Variants in FHIT observed in about 807,000 individuals in gnomAD.
The protein encoded by FHIT is bis(5'-adenosyl)-triphosphatase.
In FHIT, 19 loss-of-function variants were observed where a neutral mutation model predicts 17.9. That is an observed-to-expected ratio of 1.06 (90% CI 0.74 to 1.56). FHIT has a LOEUF of 1.56. FHIT is among the 40% of genes most tolerant of loss of function. The probability of loss-of-function intolerance (pLI) is 0.00; values close to 1 mark genes in which losing one functional copy is unlikely to be tolerated. For synonymous variants in FHIT, 81 were observed against 69.7 expected (o/e 1.16, Z -0.81); for missense variants, 248 against 189.2 (o/e 1.31, Z -1.82).
chr3:60,897,190 TCTC>T (rs1358249770), intron 3 of FHIT, among the ~76,000 whole-genome samples: 3 of 152,146 alleles, frequency 2.0e-5, no homozygotes, highest in African/African-American at 7.2e-5. Flanking sequence ...ATTCAAACAA[TCTC>T]CTCATTACAA....
chr3:59,931,038 G>C (rs535622808), intron 7 of FHIT, among the ~76,000 whole-genome samples: 4 of 152,310 alleles, frequency 2.6e-5, no homozygotes, highest in African/African-American at 7.2e-5. Context: ...CATTTATCAA[G>C]TGGGCATAAA....
At chr3:60,484,282 T>C (rs1321767400) in intron 5 of FHIT, among the ~76,000 whole-genome samples, 1 of 152,162 alleles carries the variant, frequency 6.6e-6, no homozygotes. Context: ...ATTCTCAAAC[T>C]ACTATTGACA....
chr3:60,842,846 A>C (rs1322742371), intron 3 of FHIT, among the ~76,000 whole-genome samples: 4 of 151,892 alleles, frequency 2.6e-5, no homozygotes, highest in African/African-American at 9.7e-5. Flanking sequence ...CTACTGTGCT[A>C]TCCATCCCAG....
chr3:60,530,432 C>A (rs891926722), intron 5 of FHIT, among the ~76,000 whole-genome samples: 1 of 152,196 alleles, frequency 6.6e-6, no homozygotes, highest in Non-Finnish European at 1.5e-5. Flanking sequence ...TGCACACATA[C>A]AAAGTACCTA....
intron 4 of FHIT, among the ~76,000 whole-genome samples, chr3:60,588,423 G>A (rs2037974995): frequency 6.6e-6 from 1 of 151,786 alleles, no homozygotes; most frequent in Admixed American, 6.6e-5. Flanking sequence ...AGGAAGAGAA[G>A]AAAATAAAGA....
At chr3:60,337,508 A>G (rs1264823979) in intron 5 of FHIT, among the ~76,000 whole-genome samples, 2 of 152,196 alleles carry the variant, frequency 1.3e-5, no homozygotes, top group African/African-American at 4.8e-5. Flanking sequence ...GCTAATTACT[A>G]ATTTTGAAAT....
intron 4 of FHIT, among the ~76,000 whole-genome samples, chr3:60,665,660 A>C (rs1353183143): frequency 6.6e-6 from 1 of 152,026 alleles, no homozygotes; most frequent in Non-Finnish European, 1.5e-5. Context: ...AACTTAACTA[A>C]TCATAGAATT....
chr3:60,149,567 G>A (rs1286303326), intron 5 of FHIT, among the ~76,000 whole-genome samples: 1 of 152,082 alleles, frequency 6.6e-6, no homozygotes, highest in African/African-American at 2.4e-5. Flanking sequence ...TAGAGGGTAG[G>A]TAGCCTGAAG....
intron 3 of FHIT, among the ~76,000 whole-genome samples, chr3:60,949,466 G>C (rs1708785774): frequency 6.6e-6 from 1 of 152,146 alleles, no homozygotes; most frequent in Admixed American, 6.5e-5. Context: ...GAGGGATTCT[G>C]AAAATGAACA....
intron 2 of FHIT, among the ~76,000 whole-genome samples, chr3:61,094,459 T>C (rs2035578131): frequency 6.6e-6 from 1 of 152,198 alleles, no homozygotes; most frequent in African/African-American, 2.4e-5. Flanking sequence ...AATTCCCATA[T>C]GGTATTCAGC....
chr3:61,197,390 C>A (rs2038882004), intron 2 of FHIT, among the ~76,000 whole-genome samples: 1 of 152,108 alleles, frequency 6.6e-6, no homozygotes, highest in African/African-American at 2.4e-5. Context: ...TTTCCTAATA[C>A]CCCAGCTAAG....
rs573685426 is a variant in FHIT, at chr3:60,716,484, C to G, written c.-18+105435G>C. Among the ~76,000 whole-genome samples, 23 of 152,054 alleles carry G rather than the reference C, an allele frequency of 1.5e-4. No individual in the cohort carries two copies. The East Asian group carries it at 4.1e-3, about 27-fold the overall frequency. ...ATGGTATCATCAATATCACTGCCTC[C>G]CACCTCCACATCTCATCCAACTGGC... On this transcript the variant is annotated intron_variant, in intron 4 of 9. Transcript: ENST00000492590.
intron 5 of FHIT, among the ~76,000 whole-genome samples, chr3:60,036,233 C>T (rs1160376527): frequency 6.6e-6 from 1 of 152,144 alleles, no homozygotes; most frequent in Non-Finnish European, 1.5e-5. Flanking sequence ...TCCATGTGTC[C>T]CAAATCTGAT....
intron 5 of FHIT, among the ~76,000 whole-genome samples, chr3:60,518,956 G>A (rs920413605): frequency 9.2e-5 from 14 of 152,176 alleles, no homozygotes; most frequent in African/African-American, 3.4e-4. Flanking sequence ...TGAGCACCGA[G>A]GTGGCACCAA....
At chr3:60,987,394 T>C (rs979238868) in intron 3 of FHIT, among the ~76,000 whole-genome samples, 2 of 152,178 alleles carry the variant, frequency 1.3e-5, no homozygotes, top group South Asian at 4.1e-4. Flanking sequence ...TTAAAGGCAT[T>C]CTTAAGCCAT....
In FHIT at chr3:60,536,952, C is replaced by A. The variant is rs757001991; in HGVS notation, c.11G>T (p.Arg4Ile). 6.2e-7 allele frequency: 1 copy of A among 1,611,050 alleles called. No individual in the cohort carries two copies. The highest frequency in any genetic ancestry group is 1.7e-5 in the Admixed American group (1 of 59,618). MSF[R>I]FGQHLIKPSV... ...GGGCTTGATGAGATGTTGGCCAAAT[C>A]TGAACGACATGTCCTCACAGTTGAA... The change falls in exon 5 of 10, where the codon AGA becomes ATA. Residue 4 changes from arginine (R) to isoleucine (I), a missense_variant. Physicochemically the swap from Arg to Ile is moderately conservative, Grantham distance 97. Coordinates refer to ENST00000492590, the MANE Select transcript of FHIT (RefSeq NM_002012.4).
chr3:60,433,107 C>G (rs7651806), intron 5 of FHIT, among the ~76,000 whole-genome samples: 21,290 of 152,008 alleles, frequency 0.14, 1,712 homozygotes, highest in Admixed American at 0.26. Context: ...TCACTATCCC[C>G]TGGTAATGAC....
chr3:59,775,209 T>A lies in FHIT; in HGVS notation c.349-22888A>T, dbSNP rs907386041. Among the ~76,000 whole-genome samples the A allele has an allele frequency of 2.7e-4, 41 of 152,194 alleles. 1 individual carries two copies. Among genetic ancestry groups the A allele is most frequent in the Admixed American group, 2.4e-3 (36 of 15,286 alleles). The stretch of plus-strand genomic sequence containing the variant: ...ATCCCGATCAGGTCCTGGGGGTGTT[T>A]AGGGTTTGCAATGAACGGCAATGTG... On this transcript the variant is annotated intron_variant, in intron 8 of 9. Coordinates refer to ENST00000492590, the MANE Select transcript of FHIT (RefSeq NM_002012.4).
chr3:60,228,781 T>G (rs1308444533), intron 5 of FHIT, among the ~76,000 whole-genome samples: 1 of 152,190 alleles, frequency 6.6e-6, no homozygotes, highest in African/African-American at 2.4e-5. Context: ...GAGCCACTCC[T>G]GGTCTCTAAG....
Sources: allele counts gnomAD v4.1 joint callset (sites outside exome capture counted in the v4.1 genomes callset), GRCh38; gene constraint gnomAD v4.1.1; transcripts MANE v1.5; gene names NCBI Gene and HGNC (gene_info 2026-07-23, HGNC 2026-07-21).